Variants in PARVB observed in about 807,000 individuals in gnomAD.
PARVB encodes beta-parvin.
A neutral mutation model predicts 47.0 loss-of-function variants in PARVB; 46 were observed. That is an observed-to-expected ratio of 0.98 (90% CI 0.77 to 1.25). The LOEUF (loss-of-function observed/expected upper bound fraction) is 1.25. PARVB is among the 50% of genes most tolerant of loss of function. PARVB has a pLI of 0.00. For synonymous variants in PARVB, 196 were observed against 196.3 expected (o/e 1.00, Z 0.01); for missense variants, 473 against 471.6 (o/e 1.00, Z -0.03).
intron 1 of PARVB, among the ~76,000 whole-genome samples, chr22:44,067,740 G>C (rs2051566220): frequency 6.6e-6 from 1 of 152,240 alleles, no homozygotes. Flanking sequence ...AACTGCATCA[G>C]AGCTGGGGAC....
chr22:44,001,391 G>T (rs2050412052), intron 2 of PARVB, among the ~76,000 whole-genome samples: 1 of 152,190 alleles, frequency 6.6e-6, no homozygotes, highest in African/African-American at 2.4e-5. Context: ...AATTGAAAAT[G>T]CATTAAGTAC....
chr22:44,091,577 T>A (rs1180748678), intron 1 of PARVB, among the ~76,000 whole-genome samples: 1 of 152,190 alleles, frequency 6.6e-6, no homozygotes, highest in East Asian at 1.9e-4. Context: ...GTACAGTGTT[T>A]GACTTTCTGT....
At chr22:44,059,052 T>G (rs890989795) in intron 1 of PARVB, among the ~76,000 whole-genome samples, 10 of 149,222 alleles carry the variant, frequency 6.7e-5, no homozygotes, top group Non-Finnish European at 1.2e-4. Flanking sequence ...TTTTTTTTTT[T>G]TTTTTTTTTC....
chr22:44,036,100 G>A (rs946119645), intron 1 of PARVB, among the ~76,000 whole-genome samples: 1 of 151,920 alleles, frequency 6.6e-6, no homozygotes. Context: ...CTACTAAAAA[G>A]ATAAAAATTA....
intron 1 of PARVB, among the ~76,000 whole-genome samples, chr22:44,041,100 T>C (rs1246878982): frequency 6.6e-6 from 1 of 152,098 alleles, no homozygotes; most frequent in East Asian, 1.9e-4. Context: ...TGCTGATGGA[T>C]TGCTGGATAG....
chr22:44,069,115 C>G, intron 1 of PARVB: 1 of 1,611,994 alleles, frequency 6.2e-7, no homozygotes, highest in Non-Finnish European at 8.5e-7. Flanking sequence ...CGACGTCCGC[C>G]GGCTGTGCTG....
At chr22:44,127,220 T>C (rs1291278043) in intron 4 of PARVB, among the ~76,000 whole-genome samples, 1 of 151,750 alleles carries the variant, frequency 6.6e-6, no homozygotes, top group Non-Finnish European at 1.5e-5. Context: ...TAAAATCTCT[T>C]GAGTGTCAAG....
At chr22:44,035,368 CTTTT>C (rs57745730) in intron 1 of PARVB, among the ~76,000 whole-genome samples, 2 of 118,034 alleles carry the variant, frequency 1.7e-5, no homozygotes, top group Non-Finnish European at 3.6e-5. Context: ...TTTCTTTTTC[CTTTT>C]TTTTTTTTTT....
At chr22:44,154,631 G>GGT (rs943669043) in intron 10 of PARVB, among the ~76,000 whole-genome samples, 14 of 148,838 alleles carry the variant, frequency 9.4e-5, no homozygotes, top group African/African-American at 3.5e-4. Flanking sequence ...TAGTCTGTGT[G>GGT]GTGTGTGTGT....
At chr22:44,050,404 C>T (rs2051187463) in intron 1 of PARVB, among the ~76,000 whole-genome samples, 1 of 151,022 alleles carries the variant, frequency 6.6e-6, no homozygotes, top group Non-Finnish European at 1.5e-5. Context: ...AGTGCAATGG[C>T]GCCATCTCAG....
At chr22:44,126,857 G>A (rs1376504852) in intron 4 of PARVB, among the ~76,000 whole-genome samples, 1 of 152,216 alleles carries the variant, frequency 6.6e-6, no homozygotes, top group Non-Finnish European at 1.5e-5. Context: ...CAGCCTGGCT[G>A]TGGAACTGGC....
chr22:44,085,396 G>A (rs944589519), intron 1 of PARVB, among the ~76,000 whole-genome samples: 1 of 152,088 alleles, frequency 6.6e-6, no homozygotes, highest in African/African-American at 2.4e-5. Context: ...TGCAACCTCC[G>A]CTTCTCGGCT....
intron 8 of PARVB, chr22:44,140,477 G>A: frequency 1.6e-6 from 1 of 642,086 alleles, no homozygotes; most frequent in Non-Finnish European, 3.0e-6. Context: ...AAGGGAGGGA[G>A]GAGAGGCAGC....
rs1223363093 is a variant in PARVB at position 44,170,101 on chromosome 22, A to G, written c.*1423A>G. ...CTGCAGCCTTGATCTCCCAGGCTCAATTGATCCTCCCACCTCAGCCTCCCA... is the reference window on the plus strand; with the variant it reads ...CTGCAGCCTTGATCTCCCAGGCTCAGTTGATCCTCCCACCTCAGCCTCCCA... On this transcript the variant is annotated 3_prime_UTR_variant, in exon 13 of 13. Coordinates refer to ENST00000338758, the MANE Select transcript of PARVB (RefSeq NM_013327.5). 2 of 140,088 alleles carry G rather than the reference A, an allele frequency of 1.4e-5. No homozygotes were observed. Among genetic ancestry groups the G allele is most frequent in the Non-Finnish European group, 2.9e-5 (2 of 67,936 alleles). 8.7% of individuals were successfully genotyped at this position (140,088 alleles called of 1,614,324 possible). A position where few individuals can be genotyped will look rare whatever the true frequency, so the allele number is the denominator to read the frequency against.
At chr22:44,032,514 G>A (rs1031193919) in intron 1 of PARVB, among the ~76,000 whole-genome samples, 4 of 152,118 alleles carry the variant, frequency 2.6e-5, no homozygotes, top group Admixed American at 6.6e-5. Context: ...GAGAATGCCC[G>A]TCGCGGTGGT....
At chr22:44,001,101 T>A (rs990282379) in intron 2 of PARVB, among the ~76,000 whole-genome samples, 10 of 152,054 alleles carry the variant, frequency 6.6e-5, no homozygotes, top group Non-Finnish European at 1.2e-4. Flanking sequence ...ATACAAAAAA[T>A]TAGCTGGGCG....
rs1402008411 is a variant in PARVB at position 44,049,682 on chromosome 22, T to C, written c.112+25231T>C. ...ATTTGAAGCCCTGTTTCTGAGCATG[T>C]TGCAAGGAACCCTAGGGGCTGCCAT... On this transcript the variant is annotated intron_variant, in intron 1 of 12. Coordinates refer to ENST00000338758, the MANE Select transcript of PARVB (RefSeq NM_013327.5). The surrounding 1 kb of genome is among the most constrained non-coding windows in gnomAD (Gnocchi z 4.0). Among the ~76,000 whole-genome samples the C allele has an allele frequency of 6.6e-6, 1 of 152,248 alleles. No individual in the cohort carries two copies. The highest frequency in any genetic ancestry group is 2.4e-5 in the African/African-American group (1 of 41,470).
chr22:44,019,183 C>T (rs1312091876), intron 2 of PARVB, among the ~76,000 whole-genome samples: 1 of 151,848 alleles, frequency 6.6e-6, no homozygotes, highest in African/African-American at 2.4e-5. Flanking sequence ...TCCCAAAGTG[C>T]TGGGATTACA....
intron 4 of PARVB, among the ~76,000 whole-genome samples, chr22:44,122,502 G>GAGAGAC (rs2053072534): frequency 1.1e-5 from 1 of 90,676 alleles, no homozygotes; most frequent in African/African-American, 7.9e-5. Context: ...GAGAGAGAGA[G>GAGAGAC]AGAGAGAGAG....
Sources: allele counts gnomAD v4.1 joint callset (sites outside exome capture counted in the v4.1 genomes callset), GRCh38; gene constraint gnomAD v4.1.1; non-coding constraint Gnocchi (gnomAD v3.1); transcripts MANE v1.5; gene names NCBI Gene and HGNC (gene_info 2026-07-23, HGNC 2026-07-21).